The following AGAP1 variants were observed in gnomAD, a reference collection of about 807,000 sequenced individuals.
AGAP1 encodes the protein ArfGAP with GTPase domain, ankyrin repeat and PH domain 1, also known as arf-GAP with GTPase, ANK repeat and PH domain-containing protein 1.
In AGAP1, 29 loss-of-function variants were observed where a neutral mutation model predicts 105.3. The observed-to-expected ratio is 0.28, with a 90% CI of 0.21 to 0.38. The LOEUF is 0.38. Ranked by LOEUF, AGAP1 falls within the 10% of genes least tolerant of loss-of-function variation. The pLI, the probability that AGAP1 is intolerant of heterozygous loss-of-function variation, is 1.00. For synonymous variants in AGAP1, 509 were observed against 485.9 expected, an observed-to-expected ratio of 1.05 and a Z score of -0.63; for missense variants, 998 against 1,165.1, an observed-to-expected ratio of 0.86 and a Z score of 2.09.
chr2:235,646,601 T>C (rs1229296137), intron 1 of AGAP1, among the ~76,000 whole-genome samples: 1 of 152,198 alleles, frequency 6.6e-6, no homozygotes, highest in African/African-American at 2.4e-5. Context: ...TTTTCCTGTG[T>C]TGGTGTGTCG....
intron 1 of AGAP1, among the ~76,000 whole-genome samples, chr2:235,629,881 AAAG>A (rs1352957777): frequency 6.9e-6 from 1 of 145,786 alleles, no homozygotes; most frequent in African/African-American, 2.6e-5. Context: ...AAAAAAAAAA[AAAG>A]AAAGAACAGA....
chr2:235,548,885 G>T (rs559252944), intron 1 of AGAP1, among the ~76,000 whole-genome samples: 2 of 152,162 alleles, frequency 1.3e-5, no homozygotes. Flanking sequence ...GAACATAAAG[G>T]GTTATTGGAA....
At chr2:235,745,824 G>A (rs13412472) in intron 5 of AGAP1, among the ~76,000 whole-genome samples, 3,279 of 152,268 alleles carry the variant, frequency 0.022, 101 homozygotes, top group African/African-American at 0.068. Context: ...AAATAGTGTG[G>A]CATAAACCAC....
intron 13 of AGAP1, among the ~76,000 whole-genome samples, chr2:235,986,293 T>G (rs1366326529): frequency 6.6e-6 from 1 of 152,174 alleles, no homozygotes; most frequent in Non-Finnish European, 1.5e-5. Context: ...TGTAAAGGAA[T>G]GCTTGTGATT....
chr2:235,761,495 A>G (rs1954435088), intron 6 of AGAP1, among the ~76,000 whole-genome samples: 1 of 152,228 alleles, frequency 6.6e-6, no homozygotes, highest in Non-Finnish European at 1.5e-5. Flanking sequence ...GCACTGCGGT[A>G]TCATAGCTGT....
rs1948017271 is a variant in AGAP1 at position 235,663,169 on chromosome 2, C to A, written c.164-46010C>A. On this transcript the variant is annotated intron_variant, in intron 1 of 17. Transcript: ENST00000304032. The surrounding 1 kb of genome is among the most constrained non-coding windows in gnomAD (Gnocchi z 5.4). ...CTACTAAAAATAAAAATTAGCTGGGCATGGTGGTGGGCGCCTGTGATCCCA... is the reference window on the plus strand; with the variant it reads ...CTACTAAAAATAAAAATTAGCTGGGAATGGTGGTGGGCGCCTGTGATCCCA... 6.6e-6 allele frequency among the ~76,000 whole-genome samples: 1 copy of A among 152,088 alleles called. No individual in the cohort carries two copies. The highest frequency in any genetic ancestry group is 1.5e-5 in the Non-Finnish European group (1 of 68,014).
intron 1 of AGAP1, among the ~76,000 whole-genome samples, chr2:235,573,045 CTTCTTCTTCTTCTTCT>C (rs1305100270): frequency 0.11 from 1,788 of 16,572 alleles, 20 homozygotes; most frequent in East Asian, 0.22. Context: ...TCTTCTTCTT[CTTCTTCTTCTTCTTCT>C]TTCTTCTTTC....
At chr2:235,563,976 C>A (rs1221683696) in intron 1 of AGAP1, among the ~76,000 whole-genome samples, 2 of 152,104 alleles carry the variant, frequency 1.3e-5, no homozygotes, top group Admixed American at 1.3e-4. Context: ...GATTCCCAGA[C>A]CCATCCTCAG....
At chr2:235,823,616 C>T (rs1167398110) in intron 9 of AGAP1, among the ~76,000 whole-genome samples, 3 of 152,138 alleles carry the variant, frequency 2.0e-5, no homozygotes, top group African/African-American at 7.2e-5. Flanking sequence ...CCACTGACAC[C>T]AGCATTTTCT....
At position 235,792,023 on chromosome 2, in the gene AGAP1, T is replaced by C. The variant is rs1957008043; in HGVS notation, c.674-5736T>C. On this transcript the variant is annotated intron_variant, in intron 6 of 17. Transcript: ENST00000304032. The surrounding 1 kb of genome is among the most constrained non-coding windows in gnomAD (Gnocchi z 5.3). ...TTCATCAGTGTGTCTATGGTGAGCA[T>C]TTAAAATACGGTTTTATTGGAGGTG... 1.3e-5 allele frequency among the ~76,000 whole-genome samples: 2 copies of C among 152,202 alleles called. No homozygotes were observed. The highest frequency in any genetic ancestry group is 1.5e-5 in the Non-Finnish European group (1 of 68,026).
chr2:235,980,468 G>A (rs952701015), intron 13 of AGAP1, among the ~76,000 whole-genome samples: 1 of 152,112 alleles, frequency 6.6e-6, no homozygotes, highest in African/African-American at 2.4e-5. Flanking sequence ...CCTTGTTTCC[G>A]TCTAATTTCT....
chr2:235,727,208 G>A (rs1364746611), intron 3 of AGAP1, among the ~76,000 whole-genome samples: 1 of 152,182 alleles, frequency 6.6e-6, no homozygotes, highest in Non-Finnish European at 1.5e-5. Context: ...GCCTAATTGA[G>A]CTGAGTGGCT....
chr2:235,645,109 T>C (rs1947330629), intron 1 of AGAP1, among the ~76,000 whole-genome samples: 1 of 152,160 alleles, frequency 6.6e-6, no homozygotes, highest in Non-Finnish European at 1.5e-5. Flanking sequence ...TTGGCCAGGC[T>C]GGTCTAGAAT....
At chr2:235,628,281 G>C (rs973359109) in intron 1 of AGAP1, among the ~76,000 whole-genome samples, 1 of 152,176 alleles carries the variant, frequency 6.6e-6, no homozygotes, top group African/African-American at 2.4e-5. Flanking sequence ...TCACTTGCCT[G>C]TGAGCTGCTC....
Position 235,566,167 on chromosome 2 carries a change from C to T in AGAP1, c.163+71318C>T, listed in dbSNP as rs966486567. 1.1e-4 allele frequency among the ~76,000 whole-genome samples: 17 copies of T among 152,158 alleles called. No homozygotes were observed. The highest frequency in any genetic ancestry group is 3.9e-4 in the African/African-American group (16 of 41,438). ...AGTGCAGTGGCGCAACCTCGGCTCA[C>T]TGCAACCTCTGCCTCCCGGATTCAA... On this transcript the variant is annotated intron_variant, in intron 1 of 17. Transcript: ENST00000304032. The surrounding 1 kb of genome is among the most constrained non-coding windows in gnomAD (Gnocchi z 5.2).
rs1459315105 is a variant in AGAP1, at chr2:235,971,979, C to T, written c.1645+3356C>T. On this transcript the variant is annotated intron_variant, in intron 13 of 17. Transcript: ENST00000304032. This position sits in a 1 kb window ranked among gnomAD's most constrained non-coding sequence, Gnocchi z 4.8. The stretch of plus-strand genomic sequence containing the variant: ...ATTTTTGTAGAAATGGAGTTTCACT[C>T]TTTTGCCCAGGCTGGTCTTGAACTC... 6.6e-6 allele frequency among the ~76,000 whole-genome samples: 1 copy of T among 151,884 alleles called. No individual in the cohort carries two copies. The highest frequency in any genetic ancestry group is 1.5e-5 in the Non-Finnish European group (1 of 67,980).
At position 236,095,800 on chromosome 2, in the gene AGAP1, C is replaced by T. The variant is rs2059177939; in HGVS notation, c.2115-24392C>T. Among the ~76,000 whole-genome samples the T allele has an allele frequency of 1.3e-5, 2 of 152,172 alleles. No individual in the cohort carries two copies. The highest frequency in any genetic ancestry group is 2.1e-4 in the South Asian group (1 of 4,828). ...TTATGGATAGTTGCACAGAGATAGT[C>T]CCTAAGAGCTGGCCAACTTCCACGA... On this transcript the variant is annotated intron_variant, in intron 16 of 17. Coordinates refer to ENST00000304032, the MANE Select transcript of AGAP1 (RefSeq NM_001037131.3). This position sits in a 1 kb window ranked among gnomAD's most constrained non-coding sequence, Gnocchi z 4.1.
At chr2:235,998,705 A>G (rs778111653) in intron 13 of AGAP1, among the ~76,000 whole-genome samples, 2 of 80,170 alleles carry the variant, frequency 2.5e-5, no homozygotes, top group Non-Finnish European at 6.3e-5. Flanking sequence ...AGCAGTGATG[A>G]TGATAGTGGT....
At chr2:235,682,424 C>CCT (rs1457814185) in intron 1 of AGAP1, among the ~76,000 whole-genome samples, 2 of 151,990 alleles carry the variant, frequency 1.3e-5, no homozygotes, top group Non-Finnish European at 2.9e-5. Context: ...CTCACTGCAG[C>CCT]CTCTGCCTCC....
Sources: gnomAD v4.1 joint callset for allele counts (sites outside exome capture counted in the v4.1 genomes callset) on GRCh38, gnomAD v4.1.1 for gene constraint, Gnocchi (gnomAD v3.1) non-coding constraint, MANE v1.5 for transcripts, NCBI Gene and HGNC (gene_info 2026-07-23, HGNC 2026-07-21) for gene names.